The following HCFC1 variants were observed in gnomAD, a reference collection of about 807,000 sequenced individuals.
HCFC1 encodes the protein host cell factor C1, also known as host cell factor 1.
HCFC1 carries 7 observed loss-of-function variants against 105.5 expected under a neutral mutation model. That is an observed-to-expected ratio of 0.07 (90% confidence interval 0.04 to 0.12). The LOEUF is 0.12. Among genes scored for constraint, HCFC1 ranks in the 10% least tolerant of loss-of-function variants. The probability of loss-of-function intolerance (pLI) is 1.00; values close to 1 mark genes in which losing one functional copy is unlikely to be tolerated. For synonymous variants in HCFC1, 918 were observed against 828.1 expected, an observed-to-expected ratio of 1.11 and a Z score of -1.86; for missense variants, 1,065 against 1,823.6, an observed-to-expected ratio of 0.58 and a Z score of 7.58.
rs1557113397 is a variant in HCFC1 at position 153,953,769 on chromosome X, G to A, written c.4335C>T (p.Asp1445=). The part of the protein sequence containing the change: ...TVTSNMSSNQ[D]PPPAASDQGE... ...CCTGATCGCTGGCAGCAGGTGGGGG[G>A]TCTGTGGGGGCGACAGGCAGGCGGC... is the stretch of plus-strand genomic sequence containing the variant. The change falls in exon 18 of 26, where the codon GAC becomes GAT. Residue 1445 remains aspartate, a splice_region_variant and synonymous_variant. Transcript: ENST00000310441. The A allele has an allele frequency of 8.3e-7, 1 of 1,203,076 alleles. No individual in the cohort carries two copies. The highest frequency in any genetic ancestry group is 1.1e-6 in the Non-Finnish European group (1 of 891,503).
chrX:153,955,007 T>C lies in HCFC1; in HGVS notation c.3392A>G (p.His1131Arg). 8.3e-7 allele frequency: 1 copy of C among 1,207,264 alleles called. No individual in the cohort carries two copies. Among genetic ancestry groups the C allele is most frequent in the Non-Finnish European group, 1.1e-6 (1 of 893,694 alleles). ...ACAGGCCCGACGGGCATCTCGCTGG[T>C]GGTTGGCGCCGACGCTCGACATGGC... is the stretch of plus-strand genomic sequence containing the variant. ...TTAMSSVGAN[H>R]QRDARRACAA... is the part of the protein sequence containing the mutation. The change falls in exon 17 of 26, where the codon CAC becomes CGC. Residue 1131 changes from histidine (H) to arginine (R), a missense_variant. Transcript: ENST00000310441.
rs2065383953 is a variant in HCFC1 at position 153,957,075 on chromosome X, G to A, written c.2354-15C>T. The A allele has an allele frequency of 8.3e-7, 1 of 1,200,331 alleles. No homozygotes were observed. The highest frequency in any genetic ancestry group is 1.7e-5 in the African/African-American group (1 of 57,613). On this transcript the variant is annotated splice_polypyrimidine_tract_variant and intron_variant, in intron 13 of 25. Transcript: ENST00000310441. ...GCTGGTCACACCTGGATGGGAGAGT[G>A]GGGCCCAGGGGAGACAGGCTCTGTG...
chrX:153,956,560 T>C, intron 15 of HCFC1, 65 bp downstream of exon 15: 9 of 1,182,890 alleles, frequency 7.6e-6, no homozygotes, highest in Non-Finnish European at 1.0e-5. Context: ...GCCATGGGGA[T>C]TGAAGGCCAG....
rs2065269450 is a variant in HCFC1 at position 153,947,789 on chromosome X, C to T, written c.*1558G>A. ...GCGAAATATACTATAATACAACAAA[C>T]CAGAGGCCCTGGAGGACACAGGCTG... On this transcript the variant is annotated 3_prime_UTR_variant, in exon 26 of 26. Coordinates refer to ENST00000310441, the MANE Select transcript of HCFC1 (RefSeq NM_005334.3). 9.0e-6 allele frequency: 1 copy of T among 111,132 alleles called. No individual in the cohort carries two copies. The highest frequency in any genetic ancestry group is 3.3e-5 in the African/African-American group (1 of 30,535). The allele number at this position is 111,132 out of a possible 1,213,427, so 9.2% of individuals were successfully genotyped here.
intron 12 of HCFC1, 108 bp downstream of exon 12, chrX:153,957,674 T>C: frequency 2.6e-6 from 2 of 767,264 alleles, no homozygotes; most frequent in Middle Eastern, 4.3e-4. Flanking sequence ...CAGAACTTGC[T>C]GAGCCATGTG....
Position 153,958,563 on chromosome X carries a change from G to T in HCFC1, c.1803+6C>A. The T allele has an allele frequency of 5.1e-6, 6 of 1,183,833 alleles. No individual in the cohort carries two copies. Among genetic ancestry groups the T allele is most frequent in the South Asian group, 1.9e-5 (1 of 53,743 alleles). On this transcript the variant is annotated splice_donor_region_variant and intron_variant, in intron 10 of 25. Coordinates refer to ENST00000310441, the MANE Select transcript of HCFC1 (RefSeq NM_005334.3). The stretch of plus-strand genomic sequence containing the variant: ...ACCACAGTGACAAGCCCCGGAAGAC[G>T]CTCACCATGACTGGCGAGGAGGCCA...
intron 1 of HCFC1, among the ~76,000 whole-genome samples, chrX:153,965,861 T>C (rs1557118273): frequency 8.9e-6 from 1 of 112,115 alleles, no homozygotes; most frequent in African/African-American, 3.2e-5. Context: ...TTTTTTTCCA[T>C]ATTCAGGTGT....
intron 3 of HCFC1, among the ~76,000 whole-genome samples, chrX:153,963,877 A>G (rs2065451960): frequency 9.0e-6 from 1 of 111,601 alleles, no homozygotes; most frequent in South Asian, 3.8e-4. Flanking sequence ...GGGCCAGCCC[A>G]AGGCAAAGTG....
At chrX:153,964,001 C>A in intron 3 of HCFC1, 123 bp downstream of exon 3, 1 of 560,171 alleles carries the variant, frequency 1.8e-6, no homozygotes, top group East Asian at 4.0e-5. Context: ...ATTTACAACC[C>A]AGCACGAGAA....
chrX:153,949,685 G>A, intron 24 of HCFC1, 69 bp from the exon 25 acceptor site: 1 of 974,831 alleles, frequency 1.0e-6, no homozygotes, highest in Admixed American at 2.2e-5. Context: ...CATGCGCCCT[G>A]CCCGCCTGCA....
chrX:153,963,323 G>C lies in HCFC1; in HGVS notation c.614C>G (p.Ala205Gly). Residue 205 changes from alanine to glycine, a missense_variant, in exon 4 of 26, where the codon GCC (alanine) becomes GGC (glycine). Coordinates refer to ENST00000310441, the MANE Select transcript of HCFC1 (RefSeq NM_005334.3). ...ATTGTCTTTTTCGGTGTAGACCACG[G>C]CAGTATGTGACTCCCGGGGTGGTGG... ...VLPPPRESHT[A>G]VVYTEKDNKK... 1 of 1,209,276 alleles carries C rather than the reference G, an allele frequency of 8.3e-7. No individual in the cohort carries two copies. The highest frequency in any genetic ancestry group is 1.1e-6 in the Non-Finnish European group (1 of 892,989).
chrX:153,964,763 G>A, intron 1 of HCFC1, 37 bp from the exon 2 acceptor site: 1 of 1,119,797 alleles, frequency 8.9e-7, no homozygotes, highest in Non-Finnish European at 1.2e-6. Flanking sequence ...AGAACACCCG[G>A]GAGCCCCCAT....
At position 153,952,132 on chromosome X, in the gene HCFC1, C is replaced by A. The variant is rs868930050; in HGVS notation, c.4969G>T (p.Glu1657Ter). The A allele has an allele frequency of 8.9e-7, 1 of 1,129,569 alleles. No homozygotes were observed. 93.1% of individuals were successfully genotyped at this position (1,129,569 alleles called of 1,213,427 possible). ...GCCTGAGTCACGGTTGCTGCTGCCT[C>A]GGAGGTGTCCATGGGCTCGCCGGTG... ...MGTGEPMDTSEAAATVTQAEL... is the reference protein window; with the variant it reads ...MGTGEPMDTS The change falls in exon 20 of 26, where the codon GAG becomes TAG. Residue 1657 changes from glutamate (E) to a stop codon, truncating the protein, a stop_gained. Coordinates refer to ENST00000310441, the MANE Select transcript of HCFC1 (RefSeq NM_005334.3). LOFTEE classifies it high-confidence loss of function.
intron 1 of HCFC1, chrX:153,970,163 G>C (rs2065513146): frequency 8.9e-6 from 1 of 112,211 alleles, no homozygotes; most frequent in African/African-American, 3.3e-5. Flanking sequence ...GGAGAAGGGA[G>C]GGAGGGAGGG....
chrX:153,965,297 G>A (rs1207420358), intron 1 of HCFC1, among the ~76,000 whole-genome samples: 3 of 111,385 alleles, frequency 2.7e-5, no homozygotes, highest in Non-Finnish European at 5.7e-5. Flanking sequence ...CCACACCTAT[G>A]GTACTCCAGA....
chrX:153,948,448 G>T lies in HCFC1; in HGVS notation c.*899C>A, dbSNP rs1389675349. ...CTGGCCCCAGCTTTTCCTCCAGAAA[G>T]ATCCCTGCCAAGAATTAGCCAAGAA... On this transcript the variant is annotated 3_prime_UTR_variant, in exon 26 of 26. Transcript: ENST00000310441. 8.9e-6 allele frequency: 1 copy of T among 111,955 alleles called. No homozygotes were observed. Among genetic ancestry groups the T allele is most frequent in the East Asian group, 2.8e-4 (1 of 3,588 alleles). The allele number at this position is 111,955 out of a possible 1,213,427, so 9.2% of individuals were successfully genotyped here.
At chrX:153,969,235 C>A (rs2065501800) in intron 1 of HCFC1, 1 of 111,358 alleles carries the variant, frequency 9.0e-6, no homozygotes, top group Non-Finnish European at 1.9e-5. Context: ...CATCGAGGCA[C>A]TGGAGCTCAG....
Position 153,958,159 on chromosome X carries a change from T to C in HCFC1, c.1894A>G (p.Ile632Val), listed in dbSNP as rs2065395979. Reference protein sequence around the residue: ...SSATNTSTRPIITVHKSGTVT... With the variant: ...SSATNTSTRPVITVHKSGTVT... ...GTGCCTGACTTGTGCACTGTGATGATAGGGCGGGTAGACGTGTTGGTGGCG... is the reference window on the plus strand; with the variant it reads ...GTGCCTGACTTGTGCACTGTGATGACAGGGCGGGTAGACGTGTTGGTGGCG... Residue 632 changes from isoleucine to valine, a missense_variant, in exon 11 of 26, where the codon ATC becomes GTC. This residue lies in a region of HCFC1 where 137 missense variants were observed against 378.2 expected (regional missense o/e 0.36). Coordinates refer to ENST00000310441, the MANE Select transcript of HCFC1 (RefSeq NM_005334.3). 2 of 1,210,481 alleles carry C rather than the reference T, an allele frequency of 1.7e-6. No individual in the cohort carries two copies. Among genetic ancestry groups the C allele is most frequent in the Non-Finnish European group, 2.2e-6 (2 of 894,918 alleles).
rs1034577296 is a variant in HCFC1, at chrX:153,964,365, G to A, written c.343-81C>T. The A allele has an allele frequency of 6.0e-6, 6 of 994,794 alleles. No individual in the cohort carries two copies. In the African/African-American group the frequency reaches 1.2e-4, roughly 19 times the overall value. 82.0% of individuals were successfully genotyped at this position (994,794 alleles called of 1,213,427 possible). A position where few individuals can be genotyped will look rare whatever the true frequency, so the allele number is the denominator to read the frequency against. ...ACCCGGGGCAACTTGTGGTGGAGGA[G>A]GAAATGGCCGGGGGTGAGCGAGGTG... On this transcript the variant is annotated intron_variant, in intron 2 of 25. Coordinates refer to ENST00000310441, the MANE Select transcript of HCFC1 (RefSeq NM_005334.3).
Sources: gnomAD v4.1 joint callset for allele counts (sites outside exome capture counted in the v4.1 genomes callset) on GRCh38, gnomAD v4.1.1 for gene constraint, gnomAD v4.1.1 regional missense constraint, MANE v1.5 for transcripts, NCBI Gene and HGNC (gene_info 2026-07-23, HGNC 2026-07-21) for gene names.